KLHL1: variants seen among roughly 807,000 people sequenced by gnomAD.
KLHL1 encodes kelch-like protein 1.
In KLHL1, 47 loss-of-function variants were observed where a neutral mutation model predicts 77.7. The ratio of observed to expected loss-of-function variants is 0.60; its 90% CI spans 0.48 to 0.77. The LOEUF is 0.77. Ranked by LOEUF, KLHL1 falls within the 30% of genes least tolerant of loss-of-function variation. The pLI is 0.00. For synonymous variants in KLHL1, 360 were observed against 325.2 expected (o/e 1.11, Z -1.15); for missense variants, 925 against 910.8 (o/e 1.02, Z -0.20).
intron 4 of KLHL1, among the ~76,000 whole-genome samples, chr13:69,937,470 C>T (rs1292915746): frequency 2.0e-5 from 3 of 151,976 alleles, no homozygotes; most frequent in Non-Finnish European, 4.4e-5. Flanking sequence ...AATCTGTTTC[C>T]GTTTGCCACT....
intron 7 of KLHL1, among the ~76,000 whole-genome samples, chr13:69,780,755 T>C (rs532273104): frequency 1.6e-5 from 2 of 128,038 alleles, no homozygotes; most frequent in African/African-American, 6.1e-5. Flanking sequence ...CATATATATA[T>C]ATACACACAC....
rs533495043 is a variant in KLHL1, at chr13:69,804,393, C to T, written c.1415-7431G>A. On this transcript the variant is annotated intron_variant, in intron 6 of 10. Transcript: ENST00000377844. Reference sequence around the variant, plus strand: ...TTTGTTCCTACATCTATAATTCAAGCAAATAGCAACCTCACTTATCTTGCA... The same window carrying T: ...TTTGTTCCTACATCTATAATTCAAGTAAATAGCAACCTCACTTATCTTGCA... 2.0e-5 allele frequency among the ~76,000 whole-genome samples: 3 copies of T among 152,138 alleles called. No homozygotes were observed. In the South Asian group the frequency reaches 6.2e-4, roughly 32 times the overall value.
intron 7 of KLHL1, among the ~76,000 whole-genome samples, chr13:69,754,179 C>A (rs978394494): frequency 1.3e-5 from 2 of 151,930 alleles, no homozygotes; most frequent in Non-Finnish European, 2.9e-5. Flanking sequence ...GTAGGAGCTA[C>A]CCTTTAAGAA....
chr13:69,703,223 A>G (rs933042590), intron 10 of KLHL1, among the ~76,000 whole-genome samples: 4 of 151,576 alleles, frequency 2.6e-5, no homozygotes, highest in Non-Finnish European at 5.9e-5. Flanking sequence ...ATCGTCTGGT[A>G]ATGTCATAGC....
chr13:69,890,364 T>A (rs1475078940), intron 4 of KLHL1, among the ~76,000 whole-genome samples: 1 of 152,054 alleles, frequency 6.6e-6, no homozygotes, highest in Non-Finnish European at 1.5e-5. Context: ...TCTAACATAT[T>A]CTTAAATTGG....
chr13:69,991,254 C>T (rs1390725969), intron 1 of KLHL1, among the ~76,000 whole-genome samples: 1 of 151,814 alleles, frequency 6.6e-6, no homozygotes, highest in Non-Finnish European at 1.5e-5. Context: ...ACTAGAAAAA[C>T]AAGAGCGAAC....
intron 6 of KLHL1, among the ~76,000 whole-genome samples, chr13:69,825,508 T>C (rs1878510004): frequency 6.6e-6 from 1 of 152,148 alleles, no homozygotes; most frequent in South Asian, 2.1e-4. Context: ...GGGGATCTAA[T>C]GAAGGTTTTT....
chr13:69,906,795 A>G (rs1052550800), intron 4 of KLHL1, among the ~76,000 whole-genome samples: 11 of 151,936 alleles, frequency 7.2e-5, no homozygotes, highest in Admixed American at 7.2e-4. Flanking sequence ...TACTTTTGAC[A>G]TCTTGCTCCA....
intron 8 of KLHL1, among the ~76,000 whole-genome samples, chr13:69,727,623 A>T (rs1288850473): frequency 6.6e-6 from 1 of 152,124 alleles, no homozygotes; most frequent in Non-Finnish European, 1.5e-5. Context: ...AGAATGAAGA[A>T]CCTGGAAATG....
At chr13:70,062,652 G>T (rs1179290872) in intron 1 of KLHL1, among the ~76,000 whole-genome samples, 1 of 152,026 alleles carries the variant, frequency 6.6e-6, no homozygotes, top group African/African-American at 2.4e-5. Context: ...TTAATAAATT[G>T]ATGAGTGAGT....
At chr13:69,740,656 C>T in intron 7 of KLHL1, 100 bp from the exon 8 acceptor site, 1 of 785,680 alleles carries the variant, frequency 1.3e-6, no homozygotes. Context: ...GTGTCCCTAA[C>T]ATAATAAAAT....
At chr13:70,062,670 G>A (rs184415429) in intron 1 of KLHL1, among the ~76,000 whole-genome samples, 4 of 151,996 alleles carry the variant, frequency 2.6e-5, no homozygotes, top group African/African-American at 7.2e-5. Context: ...AGTAAATATC[G>A]TACCTGTCCA....
chr13:70,007,696 C>T (rs751082786), intron 1 of KLHL1, among the ~76,000 whole-genome samples: 55 of 152,024 alleles, frequency 3.6e-4, no homozygotes, highest in Middle Eastern at 3.4e-3. Flanking sequence ...ATAATTTCAA[C>T]TTTCCTAGTA....
chr13:69,882,584 C>T (rs1881043610), intron 4 of KLHL1, 89 bp from the exon 5 acceptor site: 16 of 819,892 alleles, frequency 2.0e-5, no homozygotes, highest in Non-Finnish European at 2.8e-5. Context: ...TAGTCAATAT[C>T]CTTTGTTCTT....
intron 5 of KLHL1, among the ~76,000 whole-genome samples, chr13:69,849,245 C>T (rs1048789338): frequency 6.6e-6 from 1 of 151,538 alleles, no homozygotes; most frequent in African/African-American, 2.4e-5. Flanking sequence ...CATCTTAATT[C>T]TTTCATGTTT....
At chr13:69,966,423 T>C (rs955172079) in intron 2 of KLHL1, among the ~76,000 whole-genome samples, 1 of 152,172 alleles carries the variant, frequency 6.6e-6, no homozygotes, top group Non-Finnish European at 1.5e-5. Context: ...GAGTATTTTA[T>C]ATCCACAGTT....
intron 7 of KLHL1, among the ~76,000 whole-genome samples, chr13:69,750,594 T>C (rs1473534519): frequency 6.6e-6 from 1 of 151,898 alleles, no homozygotes; most frequent in Non-Finnish European, 1.5e-5. Flanking sequence ...ATACAATATA[T>C]ACAAGCACTC....
intron 5 of KLHL1, among the ~76,000 whole-genome samples, chr13:69,865,472 C>A (rs1383045663): frequency 6.6e-6 from 1 of 151,978 alleles, no homozygotes; most frequent in African/African-American, 2.4e-5. Context: ...AAATGATGTG[C>A]GCATTTCAAA....
Position 69,839,085 on chromosome 13 carries a change from T to G in KLHL1, c.1305A>C (p.Lys435Asn). The G allele has an allele frequency of 6.2e-7, 1 of 1,609,298 alleles. No homozygotes were observed. Among genetic ancestry groups the G allele is most frequent in the Non-Finnish European group, 8.5e-7 (1 of 1,177,076 alleles). Residue 435 changes from lysine (K) to asparagine (N), a missense_variant, in exon 6 of 11, where the codon AAA becomes AAC. Transcript: ENST00000377844. ...ECQKLILEAMKYHLLPERRTL... is the reference protein window; with the variant it reads ...ECQKLILEAMNYHLLPERRTL... ...TTCTTCTTTCTGGCAATAGATGGTA[T>G]TTCATTGCTTCTAGAATCAGCTTTT...
Sources: gnomAD v4.1 joint callset for allele counts (sites outside exome capture counted in the v4.1 genomes callset) on GRCh38, gnomAD v4.1.1 for gene constraint, MANE v1.5 for transcripts, NCBI Gene and HGNC (gene_info 2026-07-23, HGNC 2026-07-21) for gene names.